Variants in GPC3 observed in about 807,000 individuals in gnomAD.
GPC3 encodes glypican 3.
GPC3 carries 3 observed loss-of-function variants against 34.4 expected under a neutral mutation model. The observed-to-expected ratio is 0.09, with a 90% CI of 0.04 to 0.23. The LOEUF is 0.23. GPC3 is among the 10% of genes least tolerant of loss of function. The probability of loss-of-function intolerance (pLI) is 1.00; values close to 1 mark genes in which losing one functional copy is unlikely to be tolerated. For synonymous variants in GPC3, 177 were observed against 174.0 expected, an observed-to-expected ratio of 1.02 and a Z score of -0.13; for missense variants, 351 against 445.6, an observed-to-expected ratio of 0.79 and a Z score of 1.91.
chrX:133,560,939 G>A (rs1603159544), intron 7 of GPC3, among the ~76,000 whole-genome samples: 1 of 111,792 alleles, frequency 8.9e-6, no homozygotes, highest in East Asian at 2.8e-4. Context: ...TGAGGTAAGG[G>A]AGTGACATAT....
chrX:133,857,975 T>C (rs1270397017), intron 2 of GPC3, among the ~76,000 whole-genome samples: 3 of 111,722 alleles, frequency 2.7e-5, no homozygotes, highest in Non-Finnish European at 5.6e-5. Flanking sequence ...GCTGGGGAGA[T>C]ATTTTAATCT....
chrX:133,898,372 C>G (rs2085474906), intron 2 of GPC3, among the ~76,000 whole-genome samples: 2 of 112,089 alleles, frequency 1.8e-5, no homozygotes, highest in African/African-American at 6.5e-5. Flanking sequence ...CCAAATTCCT[C>G]AAATCAGAGT....
At chrX:133,843,491 A>T (rs967756214) in intron 2 of GPC3, among the ~76,000 whole-genome samples, 1 of 111,581 alleles carries the variant, frequency 9.0e-6, no homozygotes, top group Admixed American at 9.6e-5. Context: ...TCCCAGAACC[A>T]CGCTTCCTGT....
At chrX:133,589,817 T>C (rs1037218504) in intron 7 of GPC3, among the ~76,000 whole-genome samples, 2 of 111,790 alleles carry the variant, frequency 1.8e-5, no homozygotes, top group Non-Finnish European at 3.8e-5. Context: ...AAGCCCAAGA[T>C]GTTTTCTGCT....
In GPC3 at chrX:133,877,564, A is replaced by C. The variant is rs2076022081; in HGVS notation, c.337+75486T>G. On this transcript the variant is annotated intron_variant, in intron 2 of 7. Transcript: ENST00000370818. ...TTTATACATGTTTCTGTGGCCTAGTAGTGCTGAAATTCTAAGAATTTATTC... is the reference window on the plus strand; with the variant it reads ...TTTATACATGTTTCTGTGGCCTAGTCGTGCTGAAATTCTAAGAATTTATTC... 2.7e-5 allele frequency among the ~76,000 whole-genome samples: 3 copies of C among 112,241 alleles called. No homozygotes were observed. In the South Asian group the frequency reaches 1.1e-3, roughly 41 times the overall value.
intron 2 of GPC3, among the ~76,000 whole-genome samples, chrX:133,898,517 G>A (rs2076129488): frequency 8.9e-6 from 1 of 111,852 alleles, no homozygotes; most frequent in Non-Finnish European, 1.9e-5. Flanking sequence ...ATTGTAAACC[G>A]ATACCTATTT....
chrX:133,538,300 G>A (rs893726314), intron 7 of GPC3, among the ~76,000 whole-genome samples: 15 of 112,125 alleles, frequency 1.3e-4, no homozygotes, highest in Non-Finnish European at 2.6e-4. Flanking sequence ...GGTCATGATC[G>A]GGTTTCACCA....
intron 1 of GPC3, among the ~76,000 whole-genome samples, chrX:133,977,362 AC>A (rs2076520892): frequency 8.9e-6 from 1 of 112,402 alleles, no homozygotes; most frequent in African/African-American, 3.2e-5. Context: ...ATTTCTCTGA[AC>A]CAAATGCAAT....
chrX:133,958,998 C>T (rs191785675), intron 1 of GPC3, among the ~76,000 whole-genome samples: 16 of 111,797 alleles, frequency 1.4e-4, no homozygotes, highest in Non-Finnish European at 3.8e-5. Flanking sequence ...ACTTCTCGCA[C>T]ATTGGGTCCA....
intron 2 of GPC3, among the ~76,000 whole-genome samples, chrX:133,776,020 G>A (rs1385863994): frequency 5.4e-5 from 6 of 111,559 alleles, no homozygotes; most frequent in African/African-American, 2.0e-4. Context: ...ATATCAACAC[G>A]TGAGCACAGT....
At chrX:133,930,797 G>A (rs2124621226) in intron 2 of GPC3, among the ~76,000 whole-genome samples, 1 of 111,531 alleles carries the variant, frequency 9.0e-6, no homozygotes, top group South Asian at 3.8e-4. Context: ...CACCACGCCT[G>A]GCTAATTTTT....
At chrX:133,814,153 G>C (rs897801202) in intron 2 of GPC3, among the ~76,000 whole-genome samples, 2 of 111,308 alleles carry the variant, frequency 1.8e-5, no homozygotes, top group Admixed American at 9.6e-5. Flanking sequence ...GGAGAAATAT[G>C]TCAGTTGGCA....
At chrX:133,621,610 G>A (rs550003738) in intron 6 of GPC3, among the ~76,000 whole-genome samples, 6 of 112,048 alleles carry the variant, frequency 5.4e-5, no homozygotes, top group African/African-American at 9.7e-5. Flanking sequence ...GGGGAGGGGC[G>A]TCTGCCATTG....
intron 2 of GPC3, among the ~76,000 whole-genome samples, chrX:133,920,333 T>C (rs2076242772): frequency 9.0e-6 from 1 of 111,589 alleles, no homozygotes; most frequent in South Asian, 3.8e-4. Context: ...CAAATTCTTC[T>C]GGAGGATGAT....
intron 3 of GPC3, among the ~76,000 whole-genome samples, chrX:133,713,061 ATG>A (rs929732849): frequency 3.6e-5 from 4 of 111,626 alleles, no homozygotes; most frequent in Non-Finnish European, 5.6e-5. Flanking sequence ...CTTCTGCAGA[ATG>A]TGTTTTTGCC....
intron 3 of GPC3, among the ~76,000 whole-genome samples, chrX:133,728,034 C>T (rs962254698): frequency 2.7e-5 from 3 of 111,982 alleles, no homozygotes; most frequent in African/African-American, 9.7e-5. Context: ...GGTGCCTCCC[C>T]ATGCCCAAGG....
intron 2 of GPC3, chrX:133,763,769 A>G: frequency 2.2e-6 from 1 of 447,069 alleles, no homozygotes; most frequent in East Asian, 3.9e-5. Context: ...GTCAAAAAAC[A>G]ACAGATGTTG....
intron 2 of GPC3, among the ~76,000 whole-genome samples, chrX:133,890,809 G>A (rs778811370): frequency 1.2e-4 from 12 of 102,936 alleles, no homozygotes; most frequent in South Asian, 9.4e-4. Flanking sequence ...GCAGTGAGCC[G>A]AGATCATCCC....
intron 4 of GPC3, among the ~76,000 whole-genome samples, chrX:133,696,958 G>T (rs1253962522): frequency 1.8e-5 from 2 of 112,185 alleles, no homozygotes; most frequent in African/African-American, 6.5e-5. Flanking sequence ...GGGCCCCTTT[G>T]CACGCATGAG....
Sources: allele counts gnomAD v4.1 joint callset (sites outside exome capture counted in the v4.1 genomes callset), GRCh38; gene constraint gnomAD v4.1.1; transcripts MANE v1.5; gene names NCBI Gene and HGNC (gene_info 2026-07-23, HGNC 2026-07-21).